Variants in LTBP1 observed in about 807,000 individuals in gnomAD.
LTBP1 encodes latent-transforming growth factor beta-binding protein 1.
A neutral mutation model predicts 207.6 loss-of-function variants in LTBP1; 129 were observed. The ratio of observed to expected loss-of-function variants is 0.62; its 90% CI spans 0.54 to 0.72. LTBP1 has a LOEUF of 0.72. Among genes scored for constraint, LTBP1 ranks in the 30% least tolerant of loss-of-function variants. The probability of loss-of-function intolerance (pLI) is 0.00; values close to 1 mark genes in which losing one functional copy is unlikely to be tolerated. For missense variants in LTBP1, 2,281 were observed against 2,217.2 expected (o/e 1.03, Z -0.58); for synonymous variants, 963 against 833.7 (o/e 1.16, Z -2.67).
chr2:33,006,750 C>T (rs1389021743), intron 2 of LTBP1, among the ~76,000 whole-genome samples: 6 of 133,688 alleles, frequency 4.5e-5, no homozygotes, highest in African/African-American at 1.6e-4. Context: ...TTTGCTTGTT[C>T]CTTTCAGCTA....
At chr2:33,266,416 G>T (rs974554802) in intron 15 of LTBP1, among the ~76,000 whole-genome samples, 2 of 152,184 alleles carry the variant, frequency 1.3e-5, no homozygotes, top group South Asian at 2.1e-4. Flanking sequence ...TGGGTGGAAA[G>T]GGGTGAGTCC....
chr2:33,346,177 A>C (rs6730879), intron 25 of LTBP1, among the ~76,000 whole-genome samples: 1 of 152,242 alleles, frequency 6.6e-6, no homozygotes, highest in Non-Finnish European at 1.5e-5. Context: ...AATTTGTTTC[A>C]CATGAATGAT....
chr2:33,056,374 A>G, intron 3 of LTBP1: 1 of 1,253,814 alleles, frequency 8.0e-7, no homozygotes, highest in Non-Finnish European at 1.0e-6. Flanking sequence ...TTCTTTGGTA[A>G]CAGAATGGCC....
intron 20 of LTBP1, among the ~76,000 whole-genome samples, chr2:33,294,622 A>G (rs933032337): frequency 1.0e-4 from 14 of 134,394 alleles, no homozygotes; most frequent in Non-Finnish European, 1.5e-5. Context: ...TCTGTCGCCC[A>G]GGCTAGAGTG....
At chr2:33,146,324 G>T (rs2083038832) in intron 5 of LTBP1, among the ~76,000 whole-genome samples, 1 of 152,160 alleles carries the variant, frequency 6.6e-6, no homozygotes, top group African/African-American at 2.4e-5. Flanking sequence ...CTAACAATTT[G>T]GTGGTGGCTT....
intron 9 of LTBP1, among the ~76,000 whole-genome samples, chr2:33,240,252 T>C (rs960668439): frequency 2.0e-5 from 3 of 152,224 alleles, no homozygotes; most frequent in African/African-American, 7.2e-5. Flanking sequence ...AGAATTCTGC[T>C]TTACCATTCA....
Position 33,188,812 on chromosome 2 carries a change from A to G in LTBP1, c.1662A>G (p.Thr554=). The change falls in exon 7 of 34, where the codon ACA becomes ACG. Residue 554 remains threonine, a synonymous_variant. Transcript: ENST00000404816. ...ACGTCTACCCCGTGGCTGCTAAGAC[A>G]CAGCTTGGCCGGTGCTTCCAGGAAA... is the stretch of plus-strand genomic sequence containing the variant. ...IPHVYPVAAK[T]QLGRCFQETI... 6.2e-7 allele frequency: 1 copy of G among 1,614,172 alleles called. No individual in the cohort carries two copies. The highest frequency in any genetic ancestry group is 8.5e-7 in the Non-Finnish European group (1 of 1,180,028).
intron 2 of LTBP1, among the ~76,000 whole-genome samples, chr2:33,006,572 G>A (rs928052940): frequency 3.3e-5 from 5 of 151,314 alleles, no homozygotes; most frequent in South Asian, 2.1e-4. Flanking sequence ...TATTAGAGAC[G>A]GGATTTCACC....
chr2:33,208,063 G>C (rs1184189205), intron 7 of LTBP1, among the ~76,000 whole-genome samples: 1 of 152,152 alleles, frequency 6.6e-6, no homozygotes, highest in East Asian at 1.9e-4. Context: ...AGAAGTTCAA[G>C]ATTTCAAAAA....
intron 2 of LTBP1, among the ~76,000 whole-genome samples, chr2:32,998,585 A>G (rs1050106907): frequency 1.3e-5 from 2 of 151,256 alleles, no homozygotes; most frequent in African/African-American, 4.9e-5. Context: ...CAAAAAACAT[A>G]TAACTGAATG....
At chr2:33,137,473 A>G (rs1185127764) in intron 5 of LTBP1, among the ~76,000 whole-genome samples, 2 of 152,220 alleles carry the variant, frequency 1.3e-5, no homozygotes, top group African/African-American at 4.8e-5. Context: ...TTTCTGTTAC[A>G]GCTACTCAAC....
At chr2:33,047,318 T>C (rs2076498785) in intron 3 of LTBP1, among the ~76,000 whole-genome samples, 1 of 152,236 alleles carries the variant, frequency 6.6e-6, no homozygotes, top group Non-Finnish European at 1.5e-5. Context: ...GTTGTGTCTT[T>C]GTTCTCATTG....
Position 32,971,581 on chromosome 2 carries a change from G to A in LTBP1, c.565+22636G>A, listed in dbSNP as rs962593625. Reference sequence around the variant, plus strand: ...GGTTTTTGTTTTTACCCCTCTTTTTGTGATAGATCACATTTATTGATGTGT... The same window carrying A: ...GGTTTTTGTTTTTACCCCTCTTTTTATGATAGATCACATTTATTGATGTGT... On this transcript the variant is annotated intron_variant, in intron 2 of 33. Transcript: ENST00000404816. Among the ~76,000 whole-genome samples the A allele has an allele frequency of 4.0e-5, 6 of 151,834 alleles. 1 individual carries two copies. In the South Asian group the frequency reaches 1.0e-3, roughly 26 times the overall value.
chr2:33,289,513 C>G (rs1013791814), intron 19 of LTBP1, among the ~76,000 whole-genome samples: 3 of 152,044 alleles, frequency 2.0e-5, no homozygotes, highest in African/African-American at 7.2e-5. Context: ...GCACGCACCA[C>G]CACACTCAGC....
Position 33,020,912 on chromosome 2 carries a change from G to A in LTBP1, c.569G>A (p.Ser190Asn), listed in dbSNP as rs1228474983. The change falls in exon 3 of 34, where the codon AGC becomes AAC. Residue 190 changes from serine (S) to asparagine (N), a missense_variant. By Grantham distance (46) the Ser-to-Asn change is conservative. Coordinates refer to ENST00000404816, the MANE Select transcript of LTBP1 (RefSeq NM_206943.4). ...GCCTTCTGTTTTCTTTCTGCAGCTA[G>A]CTGTGTTCCGCCATGTCAGAATGGA... Reference protein sequence around the residue: ...APGSQRCTKPSCVPPCQNGGM... With the variant: ...APGSQRCTKPNCVPPCQNGGM... 11 of 1,575,982 alleles carry A rather than the reference G, an allele frequency of 7.0e-6. No individual in the cohort carries two copies. Among genetic ancestry groups the A allele is most frequent in the African/African-American group, 1.3e-5 (1 of 74,276 alleles).
At chr2:33,220,346 A>T (rs917636197) in intron 8 of LTBP1, among the ~76,000 whole-genome samples, 14 of 151,462 alleles carry the variant, frequency 9.2e-5, no homozygotes, top group African/African-American at 3.4e-4. Flanking sequence ...CTTTTTTTTC[A>T]CTCAAACTAG....
intron 24 of LTBP1, among the ~76,000 whole-genome samples, chr2:33,342,619 T>A (rs2094642340): frequency 6.6e-6 from 1 of 152,198 alleles, no homozygotes; most frequent in Non-Finnish European, 1.5e-5. Flanking sequence ...GTACTAAATG[T>A]TTTTTTCATA....
At chr2:33,188,427 CAAAAAA>C in intron 6 of LTBP1, 144 bp from the exon 7 acceptor site, 1 of 344,224 alleles carries the variant, frequency 2.9e-6, no homozygotes, top group South Asian at 2.8e-5. Context: ...AACTCCATCT[CAAAAAA>C]AAAAAAAAAA....
chr2:32,986,541 G>T lies in LTBP1; in HGVS notation c.566-34368G>T, dbSNP rs964009022. Among the ~76,000 whole-genome samples the T allele has an allele frequency of 2.0e-5, 3 of 152,220 alleles. No individual in the cohort carries two copies. In the South Asian group the frequency reaches 6.2e-4, roughly 32 times the overall value. Reference sequence around the variant, plus strand: ...CCGGCTACATCATTTGCAGGGCTCAGTGCACAAGGAAGATGTGGGATCTCT... The same window carrying T: ...CCGGCTACATCATTTGCAGGGCTCATTGCACAAGGAAGATGTGGGATCTCT... On this transcript the variant is annotated intron_variant, in intron 2 of 33. Coordinates refer to ENST00000404816, the MANE Select transcript of LTBP1 (RefSeq NM_206943.4).
Sources: gnomAD v4.1 joint callset for allele counts (sites outside exome capture counted in the v4.1 genomes callset) on GRCh38, gnomAD v4.1.1 for gene constraint, MANE v1.5 for transcripts, NCBI Gene and HGNC (gene_info 2026-07-23, HGNC 2026-07-21) for gene names.